Variants in NRG3 observed in about 807,000 individuals in gnomAD.
NRG3 encodes neuregulin 3, also known as pro-neuregulin-3, membrane-bound isoform.
NRG3 carries 31 observed loss-of-function variants against 66.9 expected under a neutral mutation model. The ratio of observed to expected loss-of-function variants is 0.46; its 90% confidence interval spans 0.35 to 0.63. The LOEUF (loss-of-function observed/expected upper bound fraction) is 0.63, where lower values mean the gene tolerates loss of function less well. Among genes scored for constraint, NRG3 ranks in the 20% least tolerant of loss-of-function variants. NRG3 has a pLI of 0.00. For missense variants in NRG3, 910 were observed against 878.9 expected (o/e 1.04, Z -0.45); for synonymous variants, 393 against 359.4 (o/e 1.09, Z -1.06).
intron 1 of NRG3, among the ~76,000 whole-genome samples, chr10:82,259,913 C>CA (rs2077931270): frequency 4.7e-5 from 7 of 150,476 alleles, no homozygotes; most frequent in Admixed American, 4.6e-4. Flanking sequence ...ACCTGGGTGA[C>CA]AGGGCAAGAC....
At chr10:82,818,417 G>A (rs2061805748) in intron 3 of NRG3, among the ~76,000 whole-genome samples, 1 of 152,060 alleles carries the variant, frequency 6.6e-6, no homozygotes, top group Non-Finnish European at 1.5e-5. Context: ...CAGGACAGGA[G>A]GCCTGTGGAA....
intron 1 of NRG3, among the ~76,000 whole-genome samples, chr10:82,169,362 T>C (rs146934117): frequency 6.6e-6 from 1 of 152,098 alleles, no homozygotes; most frequent in East Asian, 1.9e-4. Flanking sequence ...AAAGATCTGG[T>C]ATTTTCTTAA....
At chr10:82,167,043 A>G (rs932608150) in intron 1 of NRG3, among the ~76,000 whole-genome samples, 2 of 151,946 alleles carry the variant, frequency 1.3e-5, no homozygotes, top group African/African-American at 2.4e-5. Flanking sequence ...TTTTTATCAC[A>G]GATTTTTAAA....
chr10:82,131,152 C>G (rs1304043657), intron 1 of NRG3, among the ~76,000 whole-genome samples: 1 of 152,062 alleles, frequency 6.6e-6, no homozygotes, highest in Non-Finnish European at 1.5e-5. Context: ...CCAATGTTCT[C>G]TTTTAGTATT....
At chr10:82,843,987 A>G (rs1237562499) in intron 3 of NRG3, among the ~76,000 whole-genome samples, 2 of 152,156 alleles carry the variant, frequency 1.3e-5, no homozygotes, top group Non-Finnish European at 2.9e-5. Context: ...TATAATTGAA[A>G]CCTCCAACAT....
chr10:82,511,252 CACA>C (rs1379642453), intron 2 of NRG3, among the ~76,000 whole-genome samples: 1 of 152,020 alleles, frequency 6.6e-6, no homozygotes, highest in African/African-American at 2.4e-5. Context: ...AACAAACAAG[CACA>C]ACAACAACAA....
intron 3 of NRG3, among the ~76,000 whole-genome samples, chr10:82,804,104 C>T (rs755705430): frequency 2.0e-5 from 3 of 152,128 alleles, no homozygotes; most frequent in East Asian, 3.9e-4. Context: ...GTGCTAGTGT[C>T]CAAGTAACCC....
chr10:82,642,987 A>T (rs2050685973), intron 2 of NRG3, among the ~76,000 whole-genome samples: 1 of 152,090 alleles, frequency 6.6e-6, no homozygotes, highest in African/African-American at 2.4e-5. Context: ...TTCCTTTAAA[A>T]TAATTTTAGG....
intron 3 of NRG3, among the ~76,000 whole-genome samples, chr10:82,786,551 G>T (rs998242057): frequency 6.6e-6 from 1 of 152,070 alleles, no homozygotes; most frequent in Non-Finnish European, 1.5e-5. Context: ...AGGGGAATTT[G>T]CCTGAAGATA....
At chr10:81,938,505 T>A (rs1848100409) in intron 1 of NRG3, among the ~76,000 whole-genome samples, 1 of 151,922 alleles carries the variant, frequency 6.6e-6, no homozygotes, top group Admixed American at 6.6e-5. Context: ...AATGGAATTG[T>A]TTTCTTAATT....
At chr10:81,988,267 A>G (rs79933794) in intron 1 of NRG3, among the ~76,000 whole-genome samples, 3,675 of 152,242 alleles carry the variant, frequency 0.024, 55 homozygotes, top group Non-Finnish European at 0.036. Flanking sequence ...ATTTGTAGAG[A>G]TAAGATTTGA....
intron 7 of NRG3, among the ~76,000 whole-genome samples, chr10:82,974,183 A>G (rs1005004609): frequency 6.6e-6 from 1 of 152,150 alleles, no homozygotes; most frequent in Middle Eastern, 3.2e-3. Flanking sequence ...AAAAAAATGC[A>G]TTCTGAAAAA....
chr10:82,284,945 C>A (rs2134495882), intron 1 of NRG3, among the ~76,000 whole-genome samples: 1 of 152,132 alleles, frequency 6.6e-6, no homozygotes, highest in East Asian at 1.9e-4. Flanking sequence ...GTTTAAAATC[C>A]ATTTGGCTTT....
chr10:82,761,852 T>C (rs1412478987), intron 3 of NRG3, among the ~76,000 whole-genome samples: 1 of 151,614 alleles, frequency 6.6e-6, no homozygotes, highest in African/African-American at 2.4e-5. Flanking sequence ...ATATAAATTG[T>C]ATTTTTTTCT....
chr10:82,841,478 A>G (rs1480299140), intron 3 of NRG3, among the ~76,000 whole-genome samples: 1 of 152,206 alleles, frequency 6.6e-6, no homozygotes. Context: ...CTATATGAAG[A>G]GATTTATTTT....
intron 3 of NRG3, among the ~76,000 whole-genome samples, chr10:82,761,922 CTCTTTCTTTCTTTCTTTCTT>C (rs140350240): frequency 0.021 from 2,621 of 123,840 alleles, 47 homozygotes; most frequent in Non-Finnish European, 0.031. Context: ...TTCTTTCTTT[CTCTTTCTTTCTTTCTTTCTT>C]TCTTTCTTTC....
At chr10:81,898,427 G>A (rs1208759866) in intron 1 of NRG3, among the ~76,000 whole-genome samples, 1 of 152,208 alleles carries the variant, frequency 6.6e-6, no homozygotes, top group South Asian at 2.1e-4. Context: ...AGGTGAGGCT[G>A]TCCCTGCAAC....
chr10:82,020,681 G>A (rs975975238), intron 1 of NRG3, among the ~76,000 whole-genome samples: 6 of 152,084 alleles, frequency 3.9e-5, no homozygotes, highest in Non-Finnish European at 7.4e-5. Context: ...CAAGAATCAA[G>A]TTACAATTTG....
intron 1 of NRG3, among the ~76,000 whole-genome samples, chr10:82,112,582 A>G (rs1357173025): frequency 6.6e-6 from 1 of 152,200 alleles, no homozygotes; most frequent in East Asian, 1.9e-4. Context: ...TATAATTTGC[A>G]CATTTCTTTT....
Sources: gnomAD v4.1 joint callset for allele counts (sites outside exome capture counted in the v4.1 genomes callset) on GRCh38, gnomAD v4.1.1 for gene constraint, MANE v1.5 for transcripts, NCBI Gene and HGNC (gene_info 2026-07-23, HGNC 2026-07-21) for gene names.